METTL15: variants seen among roughly 807,000 people sequenced by gnomAD.
METTL15 encodes the protein methyltransferase 15, mitochondrial 12S rRNA N4-cytidine, also known as 12S rRNA N(4)-cytidine methyltransferase METTL15.
METTL15 carries 34 observed loss-of-function variants against 38.3 expected under a neutral mutation model. The ratio of observed to expected loss-of-function variants is 0.89; its 90% CI spans 0.68 to 1.18. METTL15 has a LOEUF of 1.18. METTL15 is among the 50% of genes most tolerant of loss of function. The pLI, the probability that METTL15 is intolerant of heterozygous loss-of-function variation, is 0.00. For synonymous variants in METTL15, 162 were observed against 170.9 expected (o/e 0.95, Z 0.41); for missense variants, 438 against 498.4 (o/e 0.88, Z 1.15).
chr11:28,218,438 T>G (rs1853013038), intron 4 of METTL15, among the ~76,000 whole-genome samples: 1 of 152,212 alleles, frequency 6.6e-6, no homozygotes, highest in South Asian at 2.1e-4. Flanking sequence ...AAGTTGCTTA[T>G]CAGCTTAAAG....
At chr11:28,399,805 T>A (rs1347876009) in intron 5 of METTL15, among the ~76,000 whole-genome samples, 1 of 151,980 alleles carries the variant, frequency 6.6e-6, no homozygotes, top group East Asian at 1.9e-4. Flanking sequence ...AATATTGGGA[T>A]GTATAAATTC....
chr11:28,114,390 T>A (rs1412101874), intron 3 of METTL15, among the ~76,000 whole-genome samples: 1 of 152,168 alleles, frequency 6.6e-6, no homozygotes, highest in South Asian at 2.1e-4. Context: ...TGATGAGCAT[T>A]TATATTGTTT....
chr11:28,378,619 C>T (rs1000533001), intron 5 of METTL15, among the ~76,000 whole-genome samples: 1 of 152,148 alleles, frequency 6.6e-6, no homozygotes. Flanking sequence ...CCTTCTTCTG[C>T]GTCGCTCAGG....
chr11:28,307,035 TTCA>T (rs534389762), intron 6 of METTL15, among the ~76,000 whole-genome samples: 7 of 151,932 alleles, frequency 4.6e-5, no homozygotes, highest in Non-Finnish European at 7.4e-5. Flanking sequence ...AATATTAAGT[TTCA>T]TCATTTCCCA....
At chr11:28,311,629 C>G (rs1225162332) in intron 6 of METTL15, among the ~76,000 whole-genome samples, 1 of 152,248 alleles carries the variant, frequency 6.6e-6, no homozygotes. Flanking sequence ...TTTGAGCTGA[C>G]TCTGTAATTT....
At chr11:28,328,105 A>T in intron 6 of METTL15, 1 of 1,611,006 alleles carries the variant, frequency 6.2e-7, no homozygotes, top group South Asian at 1.1e-5. Context: ...AATACTCTGA[A>T]ACATATTTCC....
intron 5 of METTL15, among the ~76,000 whole-genome samples, chr11:28,412,444 C>T (rs896625859): frequency 2.0e-5 from 3 of 146,492 alleles, no homozygotes; most frequent in Non-Finnish European, 4.5e-5. Context: ...AGAGACCAAA[C>T]GAGAGAGAGA....
chr11:28,501,822 A>C (rs1459149017), intron 6 of METTL15, among the ~76,000 whole-genome samples: 1 of 152,166 alleles, frequency 6.6e-6, no homozygotes, highest in East Asian at 1.9e-4. Flanking sequence ...TGGCTCGGCC[A>C]GGCGCGGTGG....
chr11:28,273,818 C>T (rs923883286), intron 4 of METTL15, among the ~76,000 whole-genome samples: 15 of 152,026 alleles, frequency 9.9e-5, no homozygotes, highest in African/African-American at 3.1e-4. Flanking sequence ...TGAAATCTCA[C>T]AGACCAAAAA....
intron 5 of METTL15, among the ~76,000 whole-genome samples, chr11:28,378,178 C>G (rs1482435900): frequency 6.6e-6 from 1 of 152,176 alleles, no homozygotes; most frequent in East Asian, 1.9e-4. Flanking sequence ...CTGTGGTGGG[C>G]TCCACCCAGT....
intron 2 of METTL15, among the ~76,000 whole-genome samples, chr11:28,111,401 A>G (rs1403884367): frequency 6.6e-6 from 1 of 152,168 alleles, no homozygotes; most frequent in Non-Finnish European, 1.5e-5. Flanking sequence ...TTCACTTTTT[A>G]GGCGTATACA....
At chr11:28,525,414 T>C (rs927771866) in intron 6 of METTL15, among the ~76,000 whole-genome samples, 8 of 152,180 alleles carry the variant, frequency 5.3e-5, no homozygotes, top group Admixed American at 5.2e-4. Flanking sequence ...TGCTAATTGA[T>C]GTATTTACAA....
chr11:28,396,369 T>G (rs368024780), intron 5 of METTL15, among the ~76,000 whole-genome samples: 2 of 152,184 alleles, frequency 1.3e-5, no homozygotes, highest in East Asian at 3.8e-4. Flanking sequence ...CAAAATCTCC[T>G]TAAGCTGATA....
At chr11:28,322,075 A>G (rs1436784063) in intron 6 of METTL15, among the ~76,000 whole-genome samples, 1 of 152,000 alleles carries the variant, frequency 6.6e-6, no homozygotes, top group Non-Finnish European at 1.5e-5. Flanking sequence ...AAGAAATAAA[A>G]CCAGAAATAT....
intron 5 of METTL15, among the ~76,000 whole-genome samples, chr11:28,409,121 G>A (rs1463865850): frequency 1.3e-5 from 2 of 151,998 alleles, no homozygotes; most frequent in African/African-American, 2.4e-5. Context: ...AGTGGCTCAC[G>A]CCTGTAATCC....
At chr11:28,270,763 T>C (rs1219523771) in intron 4 of METTL15, among the ~76,000 whole-genome samples, 1 of 152,188 alleles carries the variant, frequency 6.6e-6, no homozygotes, top group Non-Finnish European at 1.5e-5. Flanking sequence ...TTTGTTATAT[T>C]AGACCTGGTA....
chr11:28,222,928 G>A (rs1237780828), intron 4 of METTL15, among the ~76,000 whole-genome samples: 3 of 152,112 alleles, frequency 2.0e-5, no homozygotes, highest in African/African-American at 7.2e-5. Flanking sequence ...ATTCATAGAA[G>A]ATTAAACTGT....
At chr11:28,487,679 AG>A (rs1420974848) in intron 6 of METTL15, among the ~76,000 whole-genome samples, 15 of 152,192 alleles carry the variant, frequency 9.9e-5, no homozygotes, top group Non-Finnish European at 1.6e-4. Flanking sequence ...ATTGCTTAGA[AG>A]GTATAAAGGA....
intron 3 of METTL15, among the ~76,000 whole-genome samples, chr11:28,159,214 C>G (rs1248220528): frequency 1.3e-5 from 2 of 152,034 alleles, no homozygotes; most frequent in African/African-American, 4.8e-5. Context: ...AAGGGAGATA[C>G]AGTGTTGGCT....
Sources: allele counts gnomAD v4.1 joint callset (sites outside exome capture counted in the v4.1 genomes callset), GRCh38; gene constraint gnomAD v4.1.1; transcripts MANE v1.5; gene names NCBI Gene and HGNC (gene_info 2026-07-23, HGNC 2026-07-21).